The following NT5C3A variants were observed in gnomAD, a reference collection of about 807,000 sequenced individuals.
The protein encoded by NT5C3A is cytosolic 5'-nucleotidase 3A.
A neutral mutation model predicts 40.0 loss-of-function variants in NT5C3A; 23 were observed. That is an observed-to-expected ratio of 0.58 (90% confidence interval 0.41 to 0.81). NT5C3A has a LOEUF of 0.81. Among genes scored for constraint, NT5C3A ranks in the 40% least tolerant of loss-of-function variants. The probability of loss-of-function intolerance (pLI) is 0.00; values close to 1 mark genes in which losing one functional copy is unlikely to be tolerated. For missense variants in NT5C3A, 328 were observed against 403.0 expected, an observed-to-expected ratio of 0.81 and a Z score of 1.59; for synonymous variants, 130 against 141.4, an observed-to-expected ratio of 0.92 and a Z score of 0.57.
In NT5C3A at chr7:33,061,061, T is replaced by C. The variant is rs1328459247; in HGVS notation, c.138+1507A>G. Among the ~76,000 whole-genome samples the C allele has an allele frequency of 2.6e-5, 4 of 152,210 alleles. No homozygotes were observed. The East Asian group carries it at 7.7e-4, about 29-fold the overall frequency. ...TTCCTATGATGGTATCATTGAAGGA[T>C]TTTGTGAACACACTGATTTTTAACC... On this transcript the variant is annotated intron_variant, in intron 1 of 8. Coordinates refer to ENST00000610140, the MANE Select transcript of NT5C3A (RefSeq NM_001002010.5).
intron 1 of NT5C3A, among the ~76,000 whole-genome samples, chr7:33,061,224 A>G (rs1787762674): frequency 6.6e-6 from 1 of 152,276 alleles, no homozygotes; most frequent in Non-Finnish European, 1.5e-5. Flanking sequence ...TAAGCAGGAA[A>G]GCAACAAAAG....
At chr7:33,035,708 A>G (rs1786559982) in intron 1 of NT5C3A, among the ~76,000 whole-genome samples, 2 of 152,368 alleles carry the variant, frequency 1.3e-5, no homozygotes, top group East Asian at 1.9e-4. Flanking sequence ...ATGGGGAAAC[A>G]TTTTATATTC....
At chr7:33,015,444 T>C (rs1331701121) in intron 8 of NT5C3A, among the ~76,000 whole-genome samples, 2 of 152,078 alleles carry the variant, frequency 1.3e-5, no homozygotes, top group Non-Finnish European at 2.9e-5. Flanking sequence ...GCGCCTGTAG[T>C]TCCAGCTACC....
At chr7:33,019,817 C>T in intron 5 of NT5C3A, 93 bp from the exon 6 acceptor site, 1 of 769,636 alleles carries the variant, frequency 1.3e-6, no homozygotes, top group Non-Finnish European at 2.3e-6. Context: ...GTGAGAAAAT[C>T]TGTTCCTCAT....
chr7:33,025,695 A>C (rs1159162073), intron 2 of NT5C3A, among the ~76,000 whole-genome samples: 1 of 151,454 alleles, frequency 6.6e-6, no homozygotes, highest in African/African-American at 2.4e-5. Context: ...CTTACTTAAG[A>C]CTAATAAAAA....
At chr7:33,051,327 A>G (rs1049969516) in intron 1 of NT5C3A, among the ~76,000 whole-genome samples, 13 of 151,838 alleles carry the variant, frequency 8.6e-5, no homozygotes, top group South Asian at 2.1e-4. Context: ...CCACTCCCAG[A>G]TAATTTTTGT....
intron 7 of NT5C3A, among the ~76,000 whole-genome samples, chr7:33,016,381 A>T (rs1248121380): frequency 6.7e-6 from 1 of 148,526 alleles, no homozygotes; most frequent in Non-Finnish European, 1.5e-5. Context: ...CTCAAAAAAA[A>T]AAAAAGAAGG....
chr7:33,028,438 A>G (rs756259653), intron 1 of NT5C3A, among the ~76,000 whole-genome samples: 2 of 152,262 alleles, frequency 1.3e-5, no homozygotes, highest in Non-Finnish European at 2.9e-5. Context: ...ATACAACTAG[A>G]AGGAGAAAAT....
chr7:33,045,446 G>A (rs1306306713), intron 1 of NT5C3A, among the ~76,000 whole-genome samples: 2 of 152,032 alleles, frequency 1.3e-5, no homozygotes, highest in Non-Finnish European at 2.9e-5. Context: ...TTTTGAAAAT[G>A]AATGGCAAAT....
At chr7:33,051,004 T>C (rs1445725401) in intron 1 of NT5C3A, among the ~76,000 whole-genome samples, 2 of 152,132 alleles carry the variant, frequency 1.3e-5, no homozygotes, top group African/African-American at 4.8e-5. Flanking sequence ...TATGGTTTAA[T>C]GACATTACAT....
At chr7:33,035,872 AGAGG>A in intron 1 of NT5C3A, 1 of 1,289,528 alleles carries the variant, frequency 7.8e-7, no homozygotes, top group Admixed American at 1.7e-5. Flanking sequence ...GGTTAGAGAC[AGAGG>A]TAAAAGTGGT....
In NT5C3A at chr7:33,062,747, C is replaced by G. The variant is rs557187986; in HGVS notation, c.-42G>C. ...CGCGTCCAAGCAGGAAAAAAACAGG[C>G]AGCTCGCGTAGACTGCGAGTCTCGG... On this transcript the variant is annotated 5_prime_UTR_variant, in exon 1 of 9. Transcript: ENST00000610140. 43 of 1,549,312 alleles carry G rather than the reference C, an allele frequency of 2.8e-5. No individual in the cohort carries two copies. The highest frequency in any genetic ancestry group is 2.8e-5 in the African/African-American group (2 of 72,542).
chr7:33,062,396 G>A (rs1050170686), intron 1 of NT5C3A, among the ~76,000 whole-genome samples, 172 bp downstream of exon 1: 2 of 152,194 alleles, frequency 1.3e-5, no homozygotes, highest in African/African-American at 4.8e-5. Context: ...CGCACGCGGG[G>A]CGGCCGGGTC....
Position 33,015,684 on chromosome 7 carries a change from A to G in NT5C3A, c.880T>C (p.Tyr294His). 1 of 1,604,878 alleles carries G rather than the reference A, an allele frequency of 6.2e-7. No homozygotes were observed. Among genetic ancestry groups the G allele is most frequent in the South Asian group, 1.1e-5 (1 of 90,780 alleles). Residue 294 changes from tyrosine to histidine, a missense_variant, in exon 8 of 9, where the codon TAT (tyrosine) becomes CAT (histidine). Tyr to His is a moderately conservative substitution (Grantham distance 83). Coordinates refer to ENST00000610140, the MANE Select transcript of NT5C3A (RefSeq NM_001002010.5). ...TGTATACTTACTCTATCATTTAGATATCCAATTTTCAGAATGTGCTCAACA... is the reference window on the plus strand; with the variant it reads ...TGTATACTTACTCTATCATTTAGATGTCCAATTTTCAGAATGTGCTCAACA... Reference protein sequence around the residue: ...ANVEHILKIGYLNDRVDELLE... With the variant: ...ANVEHILKIGHLNDRVDELLE...
chr7:33,034,739 T>C (rs1786487846), intron 1 of NT5C3A, among the ~76,000 whole-genome samples: 1 of 152,194 alleles, frequency 6.6e-6, no homozygotes, highest in African/African-American at 2.4e-5. Context: ...AAGAGATTTA[T>C]TAAGCGTGAC....
At chr7:33,041,270 A>G (rs1018902245) in intron 1 of NT5C3A, 2 of 338,758 alleles carry the variant, frequency 5.9e-6, no homozygotes, top group Non-Finnish European at 8.4e-6. Flanking sequence ...ATTCTATTTT[A>G]ATACAAAGTT....
intron 1 of NT5C3A, among the ~76,000 whole-genome samples, chr7:33,030,433 G>A (rs950653355): frequency 1.3e-5 from 2 of 151,956 alleles, no homozygotes; most frequent in Non-Finnish European, 2.9e-5. Context: ...TGAAGGGCAA[G>A]GTATTTTGAA....
intron 1 of NT5C3A, chr7:33,040,846 C>T: frequency 1.0e-6 from 1 of 974,592 alleles, no homozygotes; most frequent in African/African-American, 1.8e-5. Flanking sequence ...AAGAGAAACT[C>T]ATTTACATGA....
Position 33,049,966 on chromosome 7 carries a change from T to C in NT5C3A, c.138+12602A>G, listed in dbSNP as rs548620956. Among the ~76,000 whole-genome samples, 770 of 95,374 alleles carry C rather than the reference T, an allele frequency of 8.1e-3. 7 individuals carry two copies. Among genetic ancestry groups the C allele is most frequent in the African/African-American group, 0.04 (735 of 18,452 alleles). The allele number at this position is 95,374 out of a possible 152,430, so 62.6% of individuals were successfully genotyped here. On this transcript the variant is annotated intron_variant, in intron 1 of 8. Coordinates refer to ENST00000610140, the MANE Select transcript of NT5C3A (RefSeq NM_001002010.5). ...GCCTGGGCGACAGAGGGAGACTCCATCTCAAAAAAAAAAAAAAAAAAAAAA... is the reference window on the plus strand; with the variant it reads ...GCCTGGGCGACAGAGGGAGACTCCACCTCAAAAAAAAAAAAAAAAAAAAAA...
Sources: allele counts gnomAD v4.1 joint callset (sites outside exome capture counted in the v4.1 genomes callset), GRCh38; gene constraint gnomAD v4.1.1; transcripts MANE v1.5; gene names NCBI Gene and HGNC (gene_info 2026-07-23, HGNC 2026-07-21).